The following ATE1 variants were observed in gnomAD, a reference collection of about 807,000 sequenced individuals.
The protein encoded by ATE1 is arginyltransferase 1.
ATE1 carries 36 observed loss-of-function variants against 70.5 expected under a neutral mutation model. That is an observed-to-expected ratio of 0.51 (90% CI 0.39 to 0.67). The LOEUF is 0.67. ATE1 is among the 30% of genes least tolerant of loss of function. ATE1 has a pLI of 0.00. For missense variants in ATE1, 593 were observed against 629.5 expected (o/e 0.94, Z 0.62); for synonymous variants, 232 against 219.3 (o/e 1.06, Z -0.51).
intron 10 of ATE1, among the ~76,000 whole-genome samples, chr10:121,800,606 A>G (rs1946839072): frequency 6.6e-6 from 1 of 152,226 alleles, no homozygotes; most frequent in Non-Finnish European, 1.5e-5. Flanking sequence ...GTACACCAAA[A>G]AGACAATATT....
intron 11 of ATE1, among the ~76,000 whole-genome samples, chr10:121,779,970 C>G (rs1010992029): frequency 6.6e-6 from 1 of 152,172 alleles, no homozygotes; most frequent in Non-Finnish European, 1.5e-5. Context: ...CTCTGGCCTC[C>G]AATGGAATTC....
At chr10:121,908,651 C>T (rs1951297929) in intron 5 of ATE1, among the ~76,000 whole-genome samples, 1 of 152,150 alleles carries the variant, frequency 6.6e-6, no homozygotes, top group African/African-American at 2.4e-5. Flanking sequence ...ATGGAACATC[C>T]ATGACTATTA....
At chr10:121,774,168 G>A (rs1945637233) in intron 11 of ATE1, among the ~76,000 whole-genome samples, 1 of 152,092 alleles carries the variant, frequency 6.6e-6, no homozygotes, top group African/African-American at 2.4e-5. Context: ...ACGCAATAAT[G>A]GATTCTTGAA....
chr10:121,770,557 A>G (rs1945469658), intron 11 of ATE1, among the ~76,000 whole-genome samples: 1 of 152,136 alleles, frequency 6.6e-6, no homozygotes, highest in African/African-American at 2.4e-5. Context: ...TTTTGAGCCT[A>G]AAGACGAATT....
intron 11 of ATE1, among the ~76,000 whole-genome samples, chr10:121,754,661 G>A (rs142290880): frequency 5.3e-4 from 80 of 152,292 alleles, no homozygotes; most frequent in East Asian, 1.5e-3. Context: ...GGCAAGAATC[G>A]TCAATGGATG....
At position 121,829,696 on chromosome 10, in the gene ATE1, G is replaced by A. The variant is rs189892087; in HGVS notation, c.1257+7022C>T. 8.0e-3 allele frequency among the ~76,000 whole-genome samples: 1,191 copies of A among 149,574 alleles called. 17 individuals are homozygous for A. Among genetic ancestry groups the A allele is most frequent in the African/African-American group, 0.028 (1,150 of 40,620 alleles). ...TGCACTCCAGCCTGGGCGACAGAGC[G>A]AGACTCTGTCTCAAAAAAAAAGAAA... On this transcript the variant is annotated intron_variant, in intron 10 of 11. Transcript: ENST00000224652.
chr10:121,918,969 T>C (rs1160482261), intron 3 of ATE1, among the ~76,000 whole-genome samples: 2 of 151,840 alleles, frequency 1.3e-5, no homozygotes, highest in Non-Finnish European at 2.9e-5. Flanking sequence ...TAGAGGTTTG[T>C]AAAATGGACC....
intron 10 of ATE1, among the ~76,000 whole-genome samples, chr10:121,809,532 G>A (rs570639740): frequency 2.6e-5 from 4 of 152,160 alleles, no homozygotes; most frequent in Admixed American, 6.5e-5. Context: ...AGTAAAACTG[G>A]CATTATTTTT....
chr10:121,767,491 C>A (rs1275216826), intron 11 of ATE1, among the ~76,000 whole-genome samples: 1 of 1,806 alleles, frequency 5.5e-4, no homozygotes, highest in South Asian at 0.029. Context: ...TGTAGAAAAT[C>A]TCAACAACCC....
At chr10:121,836,610 C>A in intron 10 of ATE1, 108 bp downstream of exon 10, 1 of 633,760 alleles carries the variant, frequency 1.6e-6, no homozygotes, top group East Asian at 3.1e-5. Context: ...TCCTATTAAC[C>A]CATTCGTCCT....
chr10:121,917,326 T>C lies in ATE1; in HGVS notation c.234-3433A>G, dbSNP rs149860431. ...TATACTAAGAAAAAACTTACATAAC[T>C]GGGATTTATTTTCAAAATAATCTGG... On this transcript the variant is annotated intron_variant, in intron 3 of 11. Coordinates refer to ENST00000224652, the MANE Select transcript of ATE1 (RefSeq NM_001001976.3). Among the ~76,000 whole-genome samples the C allele has an allele frequency of 2.0e-3, 297 of 152,266 alleles. 4 individuals are homozygous for C. The highest frequency in any genetic ancestry group is 0.014 in the Middle Eastern group (4 of 294).
intron 11 of ATE1, among the ~76,000 whole-genome samples, chr10:121,759,539 C>G (rs111462014): frequency 2.8e-4 from 42 of 151,926 alleles, no homozygotes; most frequent in African/African-American, 9.2e-4. Flanking sequence ...CCGGCTAACA[C>G]GGTGAAACCC....
intron 8 of ATE1, among the ~76,000 whole-genome samples, chr10:121,845,398 T>C (rs1485981675): frequency 6.6e-6 from 1 of 152,098 alleles, no homozygotes; most frequent in Non-Finnish European, 1.5e-5. Context: ...CTGTAATGCA[T>C]ACAAATTTTT....
intron 11 of ATE1, among the ~76,000 whole-genome samples, chr10:121,760,928 T>C (rs1945013442): frequency 6.6e-6 from 1 of 152,180 alleles, no homozygotes; most frequent in African/African-American, 2.4e-5. Flanking sequence ...TGTTGAAATT[T>C]GATGTCCAAT....
chr10:121,825,620 C>T (rs1469104106), intron 10 of ATE1, among the ~76,000 whole-genome samples: 1 of 152,102 alleles, frequency 6.6e-6, no homozygotes, highest in African/African-American at 2.4e-5. Context: ...AGACACAAAC[C>T]ACCTCACACC....
At chr10:121,808,617 T>C (rs890896058) in intron 10 of ATE1, among the ~76,000 whole-genome samples, 3 of 152,240 alleles carry the variant, frequency 2.0e-5, no homozygotes, top group African/African-American at 7.2e-5. Context: ...TTGCTTGATA[T>C]CTTCAACTAT....
chr10:121,767,714 C>T (rs1280970504), intron 11 of ATE1, among the ~76,000 whole-genome samples: 1 of 152,198 alleles, frequency 6.6e-6, no homozygotes, highest in Non-Finnish European at 1.5e-5. Flanking sequence ...AAACCCACAA[C>T]TCTTACTCAT....
chr10:121,873,916 T>C (rs1034825599), intron 7 of ATE1, among the ~76,000 whole-genome samples: 1 of 152,078 alleles, frequency 6.6e-6, no homozygotes, highest in Non-Finnish European at 1.5e-5. Context: ...GGAACATCAG[T>C]AAGGTGTCAC....
At chr10:121,858,430 G>A (rs1949328952) in intron 8 of ATE1, among the ~76,000 whole-genome samples, 1 of 151,600 alleles carries the variant, frequency 6.6e-6, no homozygotes, top group Non-Finnish European at 1.5e-5. Flanking sequence ...TCGTGATGCT[G>A]AACAAATGAC....
Sources: gnomAD v4.1 joint callset for allele counts (sites outside exome capture counted in the v4.1 genomes callset) on GRCh38, gnomAD v4.1.1 for gene constraint, MANE v1.5 for transcripts, NCBI Gene and HGNC (gene_info 2026-07-23, HGNC 2026-07-21) for gene names.